Variants in EZR observed in about 807,000 individuals in gnomAD.
EZR encodes ezrin, also known as cytovillin 2.
In EZR, 40 loss-of-function variants were observed where a neutral mutation model predicts 74.8. That is an observed-to-expected ratio of 0.53 (90% confidence interval 0.42 to 0.70). The LOEUF is 0.70. EZR is among the 30% of genes least tolerant of loss of function. EZR has a pLI of 0.00. For missense variants in EZR, 678 were observed against 755.8 expected, an observed-to-expected ratio of 0.90 and a Z score of 1.21; for synonymous variants, 341 against 283.3, an observed-to-expected ratio of 1.20 and a Z score of -2.05.
At position 158,765,928 on chromosome 6, in the gene EZR, CACAAGCAA is replaced by C. The variant is rs1171600111; in HGVS notation, c.*978_*985del. The stretch of plus-strand genomic sequence containing the variant: ...CAGAGAGAGACTGCAAACAAACAAA[CACAAGCAA>C]ACAGAGTCTCTTCACAGCTGGAGTC... On this transcript the variant is annotated 3_prime_UTR_variant, in exon 14 of 14. Transcript: ENST00000367075. 7.1e-6 allele frequency: 1 copy of C among 141,734 alleles called. No individual in the cohort carries two copies. Among genetic ancestry groups the C allele is most frequent in the Admixed American group, 6.9e-5 (1 of 14,456 alleles). 8.8% of individuals were successfully genotyped at this position (141,734 alleles called of 1,614,324 possible).
intron 2 of EZR, among the ~76,000 whole-genome samples, chr6:158,797,288 G>A (rs1330025893): frequency 6.6e-6 from 1 of 152,130 alleles, no homozygotes; most frequent in South Asian, 2.1e-4. Context: ...CCAGAACACT[G>A]CAGGAAAAAA....
chr6:158,799,048 T>C (rs1773103556), intron 2 of EZR, among the ~76,000 whole-genome samples: 2 of 152,220 alleles, frequency 1.3e-5, no homozygotes. Flanking sequence ...CCCCCAGCCC[T>C]ATTCACGGCT....
chr6:158,770,229 C>T (rs530229430), intron 10 of EZR, among the ~76,000 whole-genome samples: 3 of 152,342 alleles, frequency 2.0e-5, no homozygotes, highest in East Asian at 3.9e-4. Flanking sequence ...GTCAGCCGCC[C>T]GCTGTGCTGG....
chr6:158,800,934 G>T (rs1055796318), intron 2 of EZR, among the ~76,000 whole-genome samples: 4 of 152,110 alleles, frequency 2.6e-5, no homozygotes, highest in African/African-American at 9.7e-5. Flanking sequence ...TATTTTATAT[G>T]ACCTCTTCTT....
At chr6:158,787,589 G>A (rs1475407847) in intron 3 of EZR, among the ~76,000 whole-genome samples, 3 of 152,092 alleles carry the variant, frequency 2.0e-5, no homozygotes, top group East Asian at 1.9e-4. Flanking sequence ...TGGGTGCATC[G>A]CTGCCGGTCA....
chr6:158,818,158 T>C lies in EZR; in HGVS notation c.-65A>G, dbSNP rs577464204. ...GACTATCCAGCAGCAGCGAAGACGC[T>C]GTCCCAACCTGGAGTCAGAGCAGAA... On this transcript the variant is annotated 5_prime_UTR_variant, in exon 2 of 14. Coordinates refer to ENST00000367075, the MANE Select transcript of EZR (RefSeq NM_001111077.2). 11 of 1,588,066 alleles carry C rather than the reference T, an allele frequency of 6.9e-6. No homozygotes were observed. In the South Asian group the frequency reaches 8.9e-5, roughly 13 times the overall value.
At position 158,783,653 on chromosome 6, in the gene EZR, A is replaced by G. The variant is rs1791488305; in HGVS notation, c.565T>C (p.Leu189=). The change falls in exon 7 of 14, where the codon TTG becomes CTG. Residue 189 remains leucine (L), a synonymous_variant. Transcript: ENST00000367075. The part of the protein sequence containing the change: ...HRGMLKDNAM[L]EYLKIAQDLE... ...TCCTGAGCAATCTTCAGGTATTCCAACATAGCATTATCTCTAATTGGGGAG... is the reference window on the plus strand; with the variant it reads ...TCCTGAGCAATCTTCAGGTATTCCAGCATAGCATTATCTCTAATTGGGGAG... 2 of 1,613,862 alleles carry G rather than the reference A, an allele frequency of 1.2e-6. No individual in the cohort carries two copies. Among genetic ancestry groups the G allele is most frequent in the Non-Finnish European group, 1.7e-6 (2 of 1,179,906 alleles).
At position 158,769,954 on chromosome 6, in the gene EZR, C is replaced by T. The variant is rs2128564991; in HGVS notation, c.1091-10G>A. The T allele has an allele frequency of 6.2e-7, 1 of 1,608,278 alleles. No homozygotes were observed. Among genetic ancestry groups the T allele is most frequent in the South Asian group, 1.1e-5 (1 of 91,078 alleles). On this transcript the variant is annotated splice_polypyrimidine_tract_variant and intron_variant, in intron 10 of 13. Coordinates refer to ENST00000367075, the MANE Select transcript of EZR (RefSeq NM_001111077.2). ...ATCTGCTCCGAGAGCTCTGCAAAGA[C>T]ACAAAGCCAGAGCCATTCAAACCCT...
intron 5 of EZR, 55 bp downstream of exon 5, chr6:158,785,254 C>CCCTGCCGAGGACGGCATGACTGCT: frequency 1.3e-6 from 2 of 1,595,060 alleles, no homozygotes; most frequent in Non-Finnish European, 1.7e-6. Context: ...AATCACTTCT[C>CCCTGCCGAGGACGGCATGACTGCT]CCTGCCGAGG....
chr6:158,772,516 A>G (rs1440193958), intron 8 of EZR, among the ~76,000 whole-genome samples: 1 of 152,214 alleles, frequency 6.6e-6, no homozygotes, highest in Non-Finnish European at 1.5e-5. Context: ...TCCAATTGCT[A>G]GTGCCTTGCA....
chr6:158,768,899 T>C (rs985292131), intron 12 of EZR, among the ~76,000 whole-genome samples: 1 of 152,200 alleles, frequency 6.6e-6, no homozygotes, highest in Non-Finnish European at 1.5e-5. Context: ...GCTGGATCTT[T>C]CCATGGTGCC....
rs1360191275 is a variant in EZR, at chr6:158,766,279, G to C, written c.*635C>G. The C allele has an allele frequency of 6.8e-6, 1 of 146,406 alleles. No individual in the cohort carries two copies. The highest frequency in any genetic ancestry group is 1.5e-5 in the Non-Finnish European group (1 of 67,266). The allele number at this position is 146,406 out of a possible 1,614,324, so 9.1% of individuals were successfully genotyped here. On this transcript the variant is annotated 3_prime_UTR_variant, in exon 14 of 14. Transcript: ENST00000367075. ...CATTAATAAGGTGTATAAGTACAAT[G>C]TATTCTAAAACTGTTAAGCAAAAAA... is the stretch of plus-strand genomic sequence containing the variant.
intron 7 of EZR, among the ~76,000 whole-genome samples, chr6:158,778,632 C>A (rs1276733954): frequency 6.6e-6 from 1 of 152,160 alleles, no homozygotes; most frequent in Non-Finnish European, 1.5e-5. Context: ...ATAACAGGGA[C>A]CAGACAGAGG....
intron 9 of EZR, 46 bp from the exon 10 acceptor site, chr6:158,770,940 G>C (rs974681375): frequency 1.2e-6 from 2 of 1,613,676 alleles, no homozygotes; most frequent in Non-Finnish European, 1.7e-6. Context: ...ACTCTGGCAG[G>C]AAAGTGAGGG....
chr6:158,767,231 T>A (rs1790910676), intron 13 of EZR, 30 bp downstream of exon 13: 1 of 1,597,024 alleles, frequency 6.3e-7, no homozygotes, highest in African/African-American at 1.3e-5. Flanking sequence ...CGAGGCAGGC[T>A]CCCTGGAGAC....
chr6:158,779,294 CAAAA>C (rs918829419), intron 7 of EZR, among the ~76,000 whole-genome samples: 1 of 151,912 alleles, frequency 6.6e-6, no homozygotes, highest in Non-Finnish European at 1.5e-5. Flanking sequence ...AAGGTCATGA[CAAAA>C]AAAGACTGGA....
At chr6:158,814,783 C>A (rs1181005393) in intron 2 of EZR, among the ~76,000 whole-genome samples, 4 of 152,070 alleles carry the variant, frequency 2.6e-5, no homozygotes, top group Admixed American at 6.6e-5. Context: ...CCTTGTGATC[C>A]GCCCACCTCG....
Position 158,769,912 on chromosome 6 carries a change from G to A in EZR, c.1123C>T (p.Leu375=), listed in dbSNP as rs2128564926. ...LSEQIQRALQ[L]EEERKRAQEE... ...TGTGCCCGCTTCCTCTCCTCCTCCA[G>A]CTGCAGGGCCCTCTGAATCTGCTCC... Residue 375 remains leucine, a synonymous_variant, in exon 11 of 14, where the codon CTG becomes TTG. Transcript: ENST00000367075. 1 of 1,612,562 alleles carries A rather than the reference G, an allele frequency of 6.2e-7. No individual in the cohort carries two copies. The highest frequency in any genetic ancestry group is 8.5e-7 in the Non-Finnish European group (1 of 1,180,018).
At chr6:158,778,541 A>C (rs1165076256) in intron 7 of EZR, among the ~76,000 whole-genome samples, 1 of 152,242 alleles carries the variant, frequency 6.6e-6, no homozygotes, top group Non-Finnish European at 1.5e-5. Context: ...ATAGGACATG[A>C]ACAGGGTCTA....
Sources: gnomAD v4.1 joint callset for allele counts (sites outside exome capture counted in the v4.1 genomes callset) on GRCh38, gnomAD v4.1.1 for gene constraint, MANE v1.5 for transcripts, NCBI Gene and HGNC (gene_info 2026-07-23, HGNC 2026-07-21) for gene names.